The following DPP4 variants were observed in gnomAD, a reference collection of about 807,000 sequenced individuals.
DPP4 encodes dipeptidyl peptidase 4.
In DPP4, 93 loss-of-function variants were observed where a neutral mutation model predicts 122.4. The ratio of observed to expected loss-of-function variants is 0.76; its 90% CI spans 0.64 to 0.90. DPP4 has a LOEUF of 0.90. Among genes scored for constraint, DPP4 ranks in the 40% least tolerant of loss-of-function variants. The pLI, the probability that DPP4 is intolerant of heterozygous loss-of-function variation, is 0.00. For synonymous variants in DPP4, 321 were observed against 302.9 expected, an observed-to-expected ratio of 1.06 and a Z score of -0.62; for missense variants, 914 against 907.3, an observed-to-expected ratio of 1.01 and a Z score of -0.09.
At chr2:162,043,838 G>C (rs1211761337) in intron 5 of DPP4, among the ~76,000 whole-genome samples, 3 of 152,024 alleles carry the variant, frequency 2.0e-5, no homozygotes, top group Non-Finnish European at 4.4e-5. Flanking sequence ...GACCAGCCTG[G>C]GGAACACAGT....
chr2:162,054,040 G>A (rs1017241158), intron 2 of DPP4, among the ~76,000 whole-genome samples: 2 of 152,110 alleles, frequency 1.3e-5, no homozygotes, highest in Admixed American at 1.3e-4. Context: ...GGGGGTGGGG[G>A]TGGTCCTCTG....
intron 25 of DPP4, 56 bp downstream of exon 25, chr2:161,994,905 G>A: frequency 6.6e-7 from 1 of 1,519,948 alleles, no homozygotes; most frequent in South Asian, 1.1e-5. Context: ...AGCCCAGAAA[G>A]AGGAAACTAG....
chr2:162,047,380 G>T, intron 3 of DPP4, 23 bp downstream of exon 3: 2 of 1,413,754 alleles, frequency 1.4e-6, no homozygotes, highest in Non-Finnish European at 2.0e-6. Context: ...CATAAAATCT[G>T]CCCTACCCCA....
intron 18 of DPP4, among the ~76,000 whole-genome samples, chr2:162,015,667 G>C (rs1362288392): frequency 1.3e-5 from 2 of 151,998 alleles, no homozygotes; most frequent in Non-Finnish European, 2.9e-5. Flanking sequence ...TACTTTGAAT[G>C]GCTATAACCA....
intron 2 of DPP4, among the ~76,000 whole-genome samples, chr2:162,060,998 C>G (rs1474735418): frequency 8.3e-6 from 1 of 120,836 alleles, no homozygotes; most frequent in Non-Finnish European, 1.7e-5. Context: ...CCCTCCCTCC[C>G]TCCCTCCCTC....
Position 162,056,749 on chromosome 2 carries a change from G to A in DPP4, c.95-9248C>T, listed in dbSNP as rs138297926. Among the ~76,000 whole-genome samples, 79 of 152,164 alleles carry A rather than the reference G, an allele frequency of 5.2e-4. 2 individuals are homozygous for A. In the East Asian group the frequency reaches 0.014, roughly 28 times the overall value. ...GCCACACAGTGAGGACTATAGGAGG[G>A]GCCTGAATTCTGCCAAGATGTAGGC... On this transcript the variant is annotated intron_variant, in intron 2 of 25. Coordinates refer to ENST00000360534, the MANE Select transcript of DPP4 (RefSeq NM_001935.4).
At chr2:162,059,589 C>T (rs1159391136) in intron 2 of DPP4, among the ~76,000 whole-genome samples, 2 of 152,104 alleles carry the variant, frequency 1.3e-5, no homozygotes, top group Non-Finnish European at 2.9e-5. Context: ...TAAAAGAAAA[C>T]TGAGTAAAGG....
chr2:162,008,488 A>G, intron 22 of DPP4, 74 bp downstream of exon 22: 1 of 1,283,734 alleles, frequency 7.8e-7, no homozygotes. Context: ...TGAAACTCAG[A>G]AAGGAATGGC....
intron 2 of DPP4, among the ~76,000 whole-genome samples, chr2:162,059,891 C>T (rs759624017): frequency 7.2e-5 from 11 of 152,150 alleles, no homozygotes; most frequent in Non-Finnish European, 1.0e-4. Context: ...ATAATAATTA[C>T]GCATTCTTAT....
chr2:162,057,803 T>A lies in DPP4; in HGVS notation c.95-10302A>T, dbSNP rs957565270. ...ATTTCTTTTTTTTGAGACAGAGTCT[T>A]ACTCTGTCACCCAGGCTGGAGTGCA... On this transcript the variant is annotated intron_variant, in intron 2 of 25. Coordinates refer to ENST00000360534, the MANE Select transcript of DPP4 (RefSeq NM_001935.4). 2.0e-5 allele frequency among the ~76,000 whole-genome samples: 3 copies of A among 152,246 alleles called. No homozygotes were observed. In the East Asian group the frequency reaches 5.8e-4, roughly 30 times the overall value.
At chr2:162,056,059 C>T (rs966980025) in intron 2 of DPP4, among the ~76,000 whole-genome samples, 13 of 152,156 alleles carry the variant, frequency 8.5e-5, no homozygotes, top group African/African-American at 3.1e-4. Context: ...TCCTTCCTCA[C>T]CTCCTTCAGG....
At chr2:162,034,594 C>T (rs572109300) in intron 9 of DPP4, among the ~76,000 whole-genome samples, 16 of 152,294 alleles carry the variant, frequency 1.1e-4, no homozygotes, top group Middle Eastern at 3.4e-3. Context: ...CCATCTCACC[C>T]GGCTTACGCT....
chr2:162,018,936 A>G, intron 15 of DPP4, 86 bp from the exon 16 acceptor site: 2 of 1,537,724 alleles, frequency 1.3e-6, no homozygotes, highest in Non-Finnish European at 1.8e-6. Flanking sequence ...CTAGTTTCAA[A>G]GACAGCAGCA....
At chr2:162,041,380 A>G (rs1205659825) in intron 5 of DPP4, among the ~76,000 whole-genome samples, 1 of 152,156 alleles carries the variant, frequency 6.6e-6, no homozygotes, top group Non-Finnish European at 1.5e-5. Context: ...AAGAAATACA[A>G]CAAATTACAA....
rs189408869 is a variant in DPP4 at position 162,055,822 on chromosome 2, T to C, written c.95-8321A>G. 1.6e-3 allele frequency among the ~76,000 whole-genome samples: 243 copies of C among 152,292 alleles called. 1 individual carries two copies. Among genetic ancestry groups the C allele is most frequent in the African/African-American group, 5.6e-3 (233 of 41,554 alleles). ...TTTCCAATGTGTCCACCTGAAATAG[T>C]ATAATGCACATTTCCTAGAATAGCA... On this transcript the variant is annotated intron_variant, in intron 2 of 25. Transcript: ENST00000360534.
At chr2:162,028,382 A>G (rs966766153) in intron 10 of DPP4, among the ~76,000 whole-genome samples, 1 of 152,202 alleles carries the variant, frequency 6.6e-6, no homozygotes, top group Non-Finnish European at 1.5e-5. Flanking sequence ...AATAAAGCCA[A>G]TGGCTCAATT....
intron 10 of DPP4, among the ~76,000 whole-genome samples, chr2:162,031,860 A>G (rs922360866): frequency 3.3e-5 from 5 of 152,188 alleles, no homozygotes; most frequent in Admixed American, 1.3e-4. Flanking sequence ...CTGCCCATCA[A>G]TGATGATGAT....
chr2:162,051,230 T>C (rs903357026), intron 2 of DPP4, among the ~76,000 whole-genome samples: 6 of 152,234 alleles, frequency 3.9e-5, no homozygotes, highest in Non-Finnish European at 7.3e-5. Context: ...TAAGGTATCT[T>C]AATGAATCCT....
At chr2:162,071,128 T>C (rs1685100496) in intron 2 of DPP4, among the ~76,000 whole-genome samples, 2 of 152,166 alleles carry the variant, frequency 1.3e-5, no homozygotes, top group Admixed American at 6.5e-5. Context: ...AGTTCAGGCA[T>C]GCTCAAAACA....
Sources: gnomAD v4.1 joint callset for allele counts (sites outside exome capture counted in the v4.1 genomes callset) on GRCh38, gnomAD v4.1.1 for gene constraint, MANE v1.5 for transcripts, NCBI Gene and HGNC (gene_info 2026-07-23, HGNC 2026-07-21) for gene names.